Variants in PTK2B observed in about 807,000 individuals in gnomAD.
PTK2B encodes protein-tyrosine kinase 2-beta.
PTK2B carries 71 observed loss-of-function variants against 142.9 expected under a neutral mutation model. That is an observed-to-expected ratio of 0.50 (90% CI 0.41 to 0.61). PTK2B has a LOEUF of 0.61. Among genes scored for constraint, PTK2B ranks in the 20% least tolerant of loss-of-function variants. The pLI, the probability that PTK2B is intolerant of heterozygous loss-of-function variation, is 0.00. For synonymous variants in PTK2B, 519 were observed against 503.4 expected, an observed-to-expected ratio of 1.03 and a Z score of -0.42; for missense variants, 1,105 against 1,320.4, an observed-to-expected ratio of 0.84 and a Z score of 2.53.
At chr8:27,382,322 G>A (rs942799096) in intron 1 of PTK2B, among the ~76,000 whole-genome samples, 1 of 152,114 alleles carries the variant, frequency 6.6e-6, no homozygotes, top group Non-Finnish European at 1.5e-5. Context: ...TTACCATTGA[G>A]TTGTTTGAGT....
At position 27,352,031 on chromosome 8, in the gene PTK2B, G is replaced by A. The variant is rs1805124792; in HGVS notation, c.-38+26350G>A. On this transcript the variant is annotated intron_variant, in intron 1 of 30. Coordinates refer to ENST00000346049, the MANE Select transcript of PTK2B (RefSeq NM_173176.3). ...CTGCTGTTTGGGCTTCACTTCCTCT[G>A]GGCAGGGAGCTGACAGCAGCGGCTC... 1.3e-5 allele frequency among the ~76,000 whole-genome samples: 2 copies of A among 152,176 alleles called. 1 individual carries two copies. The highest frequency in any genetic ancestry group is 4.8e-5 in the African/African-American group (2 of 41,436).
chr8:27,384,583 C>T (rs1016895939), intron 1 of PTK2B, among the ~76,000 whole-genome samples: 2 of 152,124 alleles, frequency 1.3e-5, no homozygotes, highest in African/African-American at 4.8e-5. Flanking sequence ...ACTACAAACA[C>T]AAGAAAAGGT....
Position 27,444,208 on chromosome 8 carries a change from C to G in PTK2B, c.2151C>G (p.Pro717=), listed in dbSNP as rs1128435. The G allele has an allele frequency of 0.11, 169,316 of 1,611,694 alleles. 10,164 individuals are homozygous for G. The highest frequency in any genetic ancestry group is 0.2 in the Middle Eastern group (1,186 of 6,054). The part of the protein sequence containing the change: ...PTAFQEPPPK[P]SRPKYRPPPQ... ...ACCCATCTGTGTTCTCTCTCCAGCC[C>G]AGCCGACCTAAGTACAGACCCCCTC... Residue 717 remains proline (P), a splice_region_variant and synonymous_variant, in exon 23 of 31, where the codon CCC becomes CCG. Transcript: ENST00000346049.
chr8:27,315,999 G>A (rs1382055498), intron 3 of PTK2B, among the ~76,000 whole-genome samples: 2 of 152,152 alleles, frequency 1.3e-5, no homozygotes, highest in Non-Finnish European at 2.9e-5. Context: ...AAATCTTGGT[G>A]ACTAGAACCA....
intron 24 of PTK2B, among the ~76,000 whole-genome samples, chr8:27,448,708 T>G (rs1811627987): frequency 6.6e-6 from 1 of 152,256 alleles, no homozygotes; most frequent in Non-Finnish European, 1.5e-5. Context: ...CATCCAGAAA[T>G]CCCTAACTCT....
intron 3 of PTK2B, among the ~76,000 whole-genome samples, chr8:27,314,734 C>T (rs762415628): frequency 3.9e-5 from 6 of 152,184 alleles, no homozygotes; most frequent in Admixed American, 6.5e-5. Flanking sequence ...TCCATAAAAC[C>T]CTTCATGCCT....
In PTK2B at chr8:27,432,152, C is replaced by T. The variant is rs527409672; in HGVS notation, c.886-108C>T. The T allele has an allele frequency of 7.1e-4, 645 of 903,612 alleles. 1 individual carries two copies. The highest frequency in any genetic ancestry group is 1.1e-3 in the Non-Finnish European group (609 of 575,086). 56.0% of individuals were successfully genotyped at this position (903,612 alleles called of 1,614,324 possible). A position where few individuals can be genotyped will look rare whatever the true frequency, so the allele number is the denominator to read the frequency against. On this transcript the variant is annotated intron_variant, in intron 9 of 30. Transcript: ENST00000346049. ...AGTGTTTGATTCTCTCTTCATCTCC[C>T]AGAGAAACTCCCAGTTCCTCCTCAC...
chr8:27,347,130 A>G (rs1349865669), intron 1 of PTK2B, among the ~76,000 whole-genome samples: 3 of 151,856 alleles, frequency 2.0e-5, no homozygotes, highest in Non-Finnish European at 4.4e-5. Flanking sequence ...TAATCCAAGC[A>G]CTTTGGGAGG....
At chr8:27,440,002 C>G (rs1811056006) in intron 20 of PTK2B, among the ~76,000 whole-genome samples, 1 of 152,168 alleles carries the variant, frequency 6.6e-6, no homozygotes, top group Non-Finnish European at 1.5e-5. Flanking sequence ...ACCTCTTGAT[C>G]CTGCAGCACC....
intron 2 of PTK2B, among the ~76,000 whole-genome samples, chr8:27,413,897 A>C (rs1034964792): frequency 1.3e-5 from 2 of 152,188 alleles, no homozygotes; most frequent in African/African-American, 2.4e-5. Context: ...GGCATTCTAC[A>C]CAAGGAAGAG....
intron 3 of PTK2B, among the ~76,000 whole-genome samples, chr8:27,320,188 T>C (rs1311179552): frequency 1.3e-5 from 2 of 152,212 alleles, no homozygotes; most frequent in African/African-American, 4.8e-5. Context: ...GAAGGGTCCC[T>C]GTTGCCATTT....
At chr8:27,407,993 C>T (rs1486584853) in intron 2 of PTK2B, among the ~76,000 whole-genome samples, 2 of 152,156 alleles carry the variant, frequency 1.3e-5, no homozygotes, top group Non-Finnish European at 2.9e-5. Context: ...ACTGGAAATC[C>T]ATTTAAATCT....
intron 2 of PTK2B, among the ~76,000 whole-genome samples, chr8:27,406,609 G>A (rs1808729263): frequency 6.6e-6 from 1 of 152,194 alleles, no homozygotes; most frequent in African/African-American, 2.4e-5. Flanking sequence ...CGGGAAATGT[G>A]TAGGGGCCCT....
chr8:27,392,680 A>G (rs1807800381), intron 1 of PTK2B, among the ~76,000 whole-genome samples: 1 of 152,202 alleles, frequency 6.6e-6, no homozygotes, highest in Admixed American at 6.5e-5. Context: ...TGTTCTCTCA[A>G]GAACCTGAAG....
chr8:27,407,777 A>G (rs1808813144), intron 2 of PTK2B, among the ~76,000 whole-genome samples: 1 of 152,070 alleles, frequency 6.6e-6, no homozygotes, highest in Admixed American at 6.5e-5. Flanking sequence ...CCTCAGGTTG[A>G]CTTGACCCTT....
chr8:27,357,627 G>A (rs1460331718), intron 1 of PTK2B, among the ~76,000 whole-genome samples: 1 of 152,210 alleles, frequency 6.6e-6, no homozygotes, highest in African/African-American at 2.4e-5. Context: ...AACTCTGAAT[G>A]AGAGAGGGGA....
At chr8:27,403,672 G>A (rs2131526127) in intron 2 of PTK2B, among the ~76,000 whole-genome samples, 1 of 152,254 alleles carries the variant, frequency 6.6e-6, no homozygotes, top group East Asian at 1.9e-4. Flanking sequence ...TCTGGGAAAA[G>A]GGGTAAGATG....
chr8:27,410,392 A>G (rs1323870773), intron 2 of PTK2B, among the ~76,000 whole-genome samples: 2 of 152,204 alleles, frequency 1.3e-5, no homozygotes, highest in Admixed American at 6.5e-5. Flanking sequence ...GGATGAAAGG[A>G]CATAGGTATT....
At chr8:27,327,585 TGCCC>T in intron 1 of PTK2B, among the ~76,000 whole-genome samples, 2 of 152,216 alleles carry the variant, frequency 1.3e-5, no homozygotes, top group Non-Finnish European at 2.9e-5. Flanking sequence ...GGCTGGAAAC[TGCCC>T]AGGCACTCTG....
Sources: allele counts gnomAD v4.1 joint callset (sites outside exome capture counted in the v4.1 genomes callset), GRCh38; gene constraint gnomAD v4.1.1; transcripts MANE v1.5; gene names NCBI Gene and HGNC (gene_info 2026-07-23, HGNC 2026-07-21).